Variants in LRBA observed in about 807,000 individuals in gnomAD.
The protein encoded by LRBA is lipopolysaccharide-responsive and beige-like anchor protein.
LRBA carries 176 observed loss-of-function variants against 330.0 expected under a neutral mutation model. The ratio of observed to expected loss-of-function variants is 0.53; its 90% CI spans 0.47 to 0.60. The LOEUF (loss-of-function observed/expected upper bound fraction) is 0.60, where lower values mean the gene tolerates loss of function less well. Among genes scored for constraint, LRBA ranks in the 20% least tolerant of loss-of-function variants. The probability of loss-of-function intolerance (pLI) is 0.00; values close to 1 mark genes in which losing one functional copy is unlikely to be tolerated. For missense variants in LRBA, 3,259 were observed against 3,444.8 expected (o/e 0.95, Z 1.35); for synonymous variants, 1,230 against 1,193.0 (o/e 1.03, Z -0.64).
chr4:150,870,422 C>G, intron 20 of LRBA, 103 bp downstream of exon 20: 1 of 720,802 alleles, frequency 1.4e-6, no homozygotes. Flanking sequence ...ATGAAACATT[C>G]ATCTAACAAT....
chr4:150,942,074 T>A (rs1178861049), intron 2 of LRBA, among the ~76,000 whole-genome samples: 1 of 152,180 alleles, frequency 6.6e-6, no homozygotes, highest in African/African-American at 2.4e-5. Context: ...AATATAAATT[T>A]TCAACATATC....
intron 37 of LRBA, among the ~76,000 whole-genome samples, chr4:150,604,056 T>G (rs1431765783): frequency 6.6e-6 from 1 of 152,164 alleles, no homozygotes; most frequent in Non-Finnish European, 1.5e-5. Flanking sequence ...ACATTTTTCC[T>G]CTAATAGTTA....
chr4:150,999,161 A>G (rs1263687706), intron 2 of LRBA, among the ~76,000 whole-genome samples: 1 of 152,244 alleles, frequency 6.6e-6, no homozygotes, highest in Non-Finnish European at 1.5e-5. Flanking sequence ...AAACAGAAAA[A>G]TAAGTATCTG....
intron 34 of LRBA, among the ~76,000 whole-genome samples, chr4:150,769,338 A>G (rs1736233684): frequency 1.3e-5 from 2 of 152,100 alleles, no homozygotes; most frequent in Admixed American, 6.5e-5. Flanking sequence ...AGACACAGAC[A>G]GAGAGACACA....
At chr4:150,865,174 T>C (rs538876835) in intron 22 of LRBA, among the ~76,000 whole-genome samples, 28 of 152,160 alleles carry the variant, frequency 1.8e-4, no homozygotes, top group Non-Finnish European at 3.2e-4. Flanking sequence ...TCTTATAATC[T>C]TTTGTAAATG....
At chr4:150,578,399 C>T (rs1468018514) in intron 40 of LRBA, among the ~76,000 whole-genome samples, 3 of 151,934 alleles carry the variant, frequency 2.0e-5, no homozygotes, top group African/African-American at 7.3e-5. Context: ...TTAAAATATG[C>T]CAATTTTTTT....
intron 34 of LRBA, among the ~76,000 whole-genome samples, chr4:150,765,185 T>G (rs886160821): frequency 6.6e-6 from 1 of 151,988 alleles, no homozygotes; most frequent in South Asian, 2.1e-4. Context: ...ACATACTGTA[T>G]GATTTCTACT....
chr4:150,630,107 C>T (rs1395417345), intron 37 of LRBA, among the ~76,000 whole-genome samples: 1 of 152,214 alleles, frequency 6.6e-6, no homozygotes, highest in African/African-American at 2.4e-5. Context: ...AACCCTCCCT[C>T]TCCTTAAGCT....
chr4:150,589,072 C>CACAGAG (rs1222798355), intron 39 of LRBA, among the ~76,000 whole-genome samples: 13 of 148,744 alleles, frequency 8.7e-5, no homozygotes, highest in African/African-American at 2.7e-4. Flanking sequence ...CACACACACA[C>CACAGAG]AGAGAGAGAG....
chr4:150,667,799 C>G (rs1781700089), intron 37 of LRBA, among the ~76,000 whole-genome samples: 1 of 152,176 alleles, frequency 6.6e-6, no homozygotes, highest in Non-Finnish European at 1.5e-5. Context: ...GGCACCAGAT[C>G]ACAGACTTCC....
chr4:150,357,924 T>C (rs1175952244), intron 47 of LRBA, among the ~76,000 whole-genome samples: 2 of 152,100 alleles, frequency 1.3e-5, no homozygotes, highest in African/African-American at 4.8e-5. Flanking sequence ...CTAAGCTTTC[T>C]AGCAGGCAAC....
At chr4:150,952,723 CTTT>C (rs1044071468) in intron 2 of LRBA, among the ~76,000 whole-genome samples, 1 of 152,096 alleles carries the variant, frequency 6.6e-6, no homozygotes, top group Non-Finnish European at 1.5e-5. Context: ...CATATCTCTT[CTTT>C]GAGTGTGTCT....
rs1443158958 is a variant in LRBA at position 150,817,156 on chromosome 4, G to A, written c.5273C>T (p.Ala1758Val). Residue 1758 changes from alanine (A) to valine (V), a missense_variant, in exon 31 of 57, where the codon GCC becomes GTC. Physicochemically the swap from Ala to Val is moderately conservative, Grantham distance 64. Transcript: ENST00000651943. The part of the protein sequence containing the change: ...AVSVVSSVDS[A>V]QASDMGGESP... ...TTCTCCTCCCATATCTGAGGCTTGG[G>A]CTGAATCTACTGAGGAAACCACACT... 1.2e-5 allele frequency: 20 copies of A among 1,611,852 alleles called. 1 individual carries two copies. In the Admixed American group the frequency reaches 3.0e-4, roughly 24 times the overall value.
At chr4:150,509,106 C>CTAA (rs1761515886) in intron 40 of LRBA, among the ~76,000 whole-genome samples, 1 of 151,994 alleles carries the variant, frequency 6.6e-6, no homozygotes, top group African/African-American at 2.4e-5. Flanking sequence ...ACATTCTTAC[C>CTAA]ACAAGATATA....
intron 40 of LRBA, among the ~76,000 whole-genome samples, chr4:150,502,489 T>A (rs978977077): frequency 6.6e-6 from 1 of 152,140 alleles, no homozygotes; most frequent in Admixed American, 6.5e-5. Context: ...CAAAACAACA[T>A]GACCCACATG....
chr4:150,879,982 C>T (rs1387653632), intron 17 of LRBA, among the ~76,000 whole-genome samples: 7 of 152,042 alleles, frequency 4.6e-5, no homozygotes, highest in African/African-American at 1.7e-4. Context: ...TCACAATACC[C>T]AACTTCAAAC....
chr4:150,879,453 G>A (rs1011865256), intron 17 of LRBA, among the ~76,000 whole-genome samples: 2 of 152,082 alleles, frequency 1.3e-5, no homozygotes, highest in Admixed American at 6.5e-5. Flanking sequence ...TTGAGAACTG[G>A]AGCAAGAAAA....
At chr4:150,714,090 T>C (rs1172554067) in intron 36 of LRBA, among the ~76,000 whole-genome samples, 1 of 152,148 alleles carries the variant, frequency 6.6e-6, no homozygotes, top group Non-Finnish European at 1.5e-5. Flanking sequence ...GTATAGAAAT[T>C]GAGGGAATTT....
At chr4:150,979,811 A>G (rs1740633536) in intron 2 of LRBA, among the ~76,000 whole-genome samples, 1 of 152,210 alleles carries the variant, frequency 6.6e-6, no homozygotes, top group African/African-American at 2.4e-5. Context: ...AATAACAAGT[A>G]ATGAGATTGA....
Sources: gnomAD v4.1 joint callset for allele counts (sites outside exome capture counted in the v4.1 genomes callset) on GRCh38, gnomAD v4.1.1 for gene constraint, MANE v1.5 for transcripts, NCBI Gene and HGNC (gene_info 2026-07-23, HGNC 2026-07-21) for gene names.